CARMIL1: variants seen among roughly 807,000 people sequenced by gnomAD.
CARMIL1 encodes the protein capping protein regulator and myosin 1 linker 1.
A neutral mutation model predicts 177.1 loss-of-function variants in CARMIL1; 90 were observed. The observed-to-expected ratio is 0.51, with a 90% CI of 0.43 to 0.61. The LOEUF is 0.61. Ranked by LOEUF, CARMIL1 falls within the 20% of genes least tolerant of loss-of-function variation. CARMIL1 has a pLI of 0.00. For missense variants in CARMIL1, 1,380 were observed against 1,667.0 expected, an observed-to-expected ratio of 0.83 and a Z score of 3.00; for synonymous variants, 577 against 606.2, an observed-to-expected ratio of 0.95 and a Z score of 0.71.
chr6:25,481,408 A>G (rs919816928), intron 11 of CARMIL1, among the ~76,000 whole-genome samples: 1 of 152,230 alleles, frequency 6.6e-6, no homozygotes, highest in Non-Finnish European at 1.5e-5. Flanking sequence ...ATATAAGGGC[A>G]GCAACCAGCA....
intron 2 of CARMIL1, among the ~76,000 whole-genome samples, chr6:25,392,051 T>C (rs1792876694): frequency 8.7e-6 from 1 of 114,398 alleles, no homozygotes; most frequent in Non-Finnish European, 1.7e-5. Flanking sequence ...TGTGTGTATA[T>C]GCATGTGTGT....
At chr6:25,384,059 G>A (rs544569436) in intron 2 of CARMIL1, among the ~76,000 whole-genome samples, 1 of 152,102 alleles carries the variant, frequency 6.6e-6, no homozygotes, top group Non-Finnish European at 1.5e-5. Flanking sequence ...GGCAGGTCTC[G>A]AACTCCTGAC....
At chr6:25,340,642 C>T (rs12664362) in intron 2 of CARMIL1, among the ~76,000 whole-genome samples, 11,358 of 152,048 alleles carry the variant, frequency 0.075, 569 homozygotes, top group South Asian at 0.17. Context: ...GCCACAGGAG[C>T]ATTAATTACT....
chr6:25,467,140 T>G (rs1379337489), intron 9 of CARMIL1, among the ~76,000 whole-genome samples: 1 of 150,160 alleles, frequency 6.7e-6, no homozygotes, highest in African/African-American at 2.4e-5. Flanking sequence ...ATGAATTATG[T>G]GAACTATATA....
chr6:25,337,480 A>G (rs1464964230), intron 2 of CARMIL1, among the ~76,000 whole-genome samples: 1 of 152,170 alleles, frequency 6.6e-6, no homozygotes, highest in African/African-American at 2.4e-5. Context: ...ATCTAGACCA[A>G]CTCTAAAAAA....
At chr6:25,408,628 G>C (rs1341770586) in intron 2 of CARMIL1, among the ~76,000 whole-genome samples, 1 of 152,106 alleles carries the variant, frequency 6.6e-6, no homozygotes, top group African/African-American at 2.4e-5. Context: ...ATTCGTGCTT[G>C]TAAGTGGTGG....
chr6:25,303,972 A>G (rs78432204), intron 2 of CARMIL1, among the ~76,000 whole-genome samples: 3,596 of 152,360 alleles, frequency 0.024, 59 homozygotes, highest in Non-Finnish European at 0.038. Flanking sequence ...TCCTCATTAT[A>G]AATGTTTAAG....
chr6:25,542,887 G>GT (rs1809061451), intron 26 of CARMIL1, among the ~76,000 whole-genome samples: 1 of 151,996 alleles, frequency 6.6e-6, no homozygotes, highest in African/African-American at 2.4e-5. Flanking sequence ...CCAGTGTTCA[G>GT]TTTTAAATTA....
Position 25,472,460 on chromosome 6 carries a change from A to G in CARMIL1, c.813A>G (p.Ala271=). ...CACAAAAACTGGCCAGTGCTCTAGC[A>G]CATAATCCCAACTCAGGACTCCACA... ...DFAQKLASAL[A]HNPNSGLHTI... Residue 271 remains alanine, a synonymous_variant, in exon 11 of 37, where the codon GCA becomes GCG. Coordinates refer to ENST00000329474, the MANE Select transcript of CARMIL1 (RefSeq NM_017640.6). 1.3e-6 allele frequency: 2 copies of G among 1,582,414 alleles called. No homozygotes were observed. The highest frequency in any genetic ancestry group is 8.6e-7 in the Non-Finnish European group (1 of 1,163,400).
At chr6:25,363,740 G>A (rs962140570) in intron 2 of CARMIL1, among the ~76,000 whole-genome samples, 23 of 152,144 alleles carry the variant, frequency 1.5e-4, no homozygotes, top group Non-Finnish European at 2.9e-4. Flanking sequence ...TAAAAATCAT[G>A]TATAGTTTTA....
intron 24 of CARMIL1, among the ~76,000 whole-genome samples, chr6:25,532,393 T>C (rs1209666602): frequency 6.6e-6 from 1 of 152,250 alleles, no homozygotes; most frequent in African/African-American, 2.4e-5. Flanking sequence ...TAATTCTGCA[T>C]AGATGGCATT....
In CARMIL1 at chr6:25,619,607, C is replaced by G; in HGVS notation, c.*24C>G. The G allele has an allele frequency of 6.2e-7, 1 of 1,609,838 alleles. No homozygotes were observed. Among genetic ancestry groups the G allele is most frequent in the South Asian group, 1.1e-5 (1 of 90,330 alleles). ...AAAGGTCACCCACGCAGAAGTCTTC[C>G]TGTGCAGGGTGCTTTGGTAGCCATC... On this transcript the variant is annotated 3_prime_UTR_variant, in exon 37 of 37. Coordinates refer to ENST00000329474, the MANE Select transcript of CARMIL1 (RefSeq NM_017640.6).
intron 2 of CARMIL1, among the ~76,000 whole-genome samples, chr6:25,390,313 TA>T (rs1357262372): frequency 0.067 from 2,993 of 44,818 alleles, 85 homozygotes; most frequent in Admixed American, 0.12. Context: ...TATATATATA[TA>T]TATATATTTT....
intron 29 of CARMIL1, among the ~76,000 whole-genome samples, chr6:25,567,020 G>A (rs544684954): frequency 1.3e-5 from 2 of 152,298 alleles, no homozygotes; most frequent in African/African-American, 4.8e-5. Flanking sequence ...TAGCAGCCAG[G>A]TGTGGTAGCT....
chr6:25,326,066 C>T lies in CARMIL1; in HGVS notation c.138+41157C>T, dbSNP rs184284435. On this transcript the variant is annotated intron_variant, in intron 2 of 36. Transcript: ENST00000329474. The surrounding 1 kb of genome is among the most constrained non-coding windows in gnomAD (Gnocchi z 4.2). Reference sequence around the variant, plus strand: ...TTGTATTTTAGTAGAGACGGAGTTTCACCGTGTTGGCCAGGATGGTGTCGA... The same window carrying T: ...TTGTATTTTAGTAGAGACGGAGTTTTACCGTGTTGGCCAGGATGGTGTCGA... Among the ~76,000 whole-genome samples, 72 of 152,266 alleles carry T rather than the reference C, an allele frequency of 4.7e-4. No homozygotes were observed. Among genetic ancestry groups the T allele is most frequent in the African/African-American group, 1.7e-3 (72 of 41,544 alleles).
chr6:25,445,552 T>TTG (rs1798150671), intron 5 of CARMIL1, among the ~76,000 whole-genome samples: 1 of 150,686 alleles, frequency 6.6e-6, no homozygotes, highest in African/African-American at 2.5e-5. Context: ...TTTTTTTTTT[T>TTG]GAGTTGTTGT....
At chr6:25,344,835 G>A in intron 2 of CARMIL1, among the ~76,000 whole-genome samples, 1 of 152,110 alleles carries the variant, frequency 6.6e-6, no homozygotes, top group East Asian at 1.9e-4. Flanking sequence ...GGACATTGCT[G>A]TATGAAATTT....
intron 2 of CARMIL1, among the ~76,000 whole-genome samples, chr6:25,351,778 A>G (rs1253264641): frequency 6.6e-6 from 1 of 152,144 alleles, no homozygotes; most frequent in East Asian, 1.9e-4. Context: ...ATGGACGATG[A>G]TGATGCACCC....
At chr6:25,562,449 A>G (rs555460057) in intron 29 of CARMIL1, among the ~76,000 whole-genome samples, 63 of 152,052 alleles carry the variant, frequency 4.1e-4, no homozygotes, top group African/African-American at 1.4e-3. Flanking sequence ...GGGTTTCACC[A>G]TCTTGGCCAG....
Sources: allele counts gnomAD v4.1 joint callset (sites outside exome capture counted in the v4.1 genomes callset), GRCh38; gene constraint gnomAD v4.1.1; non-coding constraint Gnocchi (gnomAD v3.1); transcripts MANE v1.5; gene names NCBI Gene and HGNC (gene_info 2026-07-23, HGNC 2026-07-21).